The following SDK1 variants were observed in gnomAD, a reference collection of about 807,000 sequenced individuals.
SDK1 encodes sidekick cell adhesion molecule 1.
Under a neutral mutation model 245.5 loss-of-function variants are expected in SDK1, and 157 were observed. The observed-to-expected ratio is 0.64, with a 90% CI of 0.56 to 0.73. The LOEUF is 0.73. SDK1 is among the 30% of genes least tolerant of loss of function. SDK1 has a pLI of 0.00. For missense variants in SDK1, 3,583 were observed against 3,002.3 expected, an observed-to-expected ratio of 1.19 and a Z score of -4.52; for synonymous variants, 1,647 against 1,278.5, an observed-to-expected ratio of 1.29 and a Z score of -6.15.
At chr7:3,817,395 C>A (rs1779536237) in intron 4 of SDK1, among the ~76,000 whole-genome samples, 2 of 152,194 alleles carry the variant, frequency 1.3e-5, no homozygotes, top group Admixed American at 6.5e-5. Context: ...CCACTCTGAG[C>A]AGGGAGTGGG....
intron 4 of SDK1, among the ~76,000 whole-genome samples, chr7:3,754,701 A>G (rs1301533610): frequency 1.3e-5 from 2 of 151,890 alleles, no homozygotes; most frequent in African/African-American, 2.4e-5. Context: ...GGGGCGGAGT[A>G]CTCCCTTGTC....
rs118094342 is a variant in SDK1, at chr7:3,944,799, G to A, written c.848-6124G>A. On this transcript the variant is annotated intron_variant, in intron 5 of 44. Coordinates refer to ENST00000404826, the MANE Select transcript of SDK1 (RefSeq NM_152744.4). ...AAAGAAAGGGAGAGGAGCCAGTACC[G>A]ATGAAGGATGAGAACAAACACCCAG... Among the ~76,000 whole-genome samples, 48 of 152,274 alleles carry A rather than the reference G, an allele frequency of 3.2e-4. No homozygotes were observed. The East Asian group carries it at 5.4e-3, about 17-fold the overall frequency.
intron 5 of SDK1, among the ~76,000 whole-genome samples, chr7:3,831,976 G>A (rs896240135): frequency 1.3e-5 from 2 of 152,106 alleles, no homozygotes; most frequent in African/African-American, 4.8e-5. Flanking sequence ...ACTTGAGCCA[G>A]GGAGGTCAAG....
intron 5 of SDK1, among the ~76,000 whole-genome samples, chr7:3,830,319 G>T (rs7791274): frequency 0.17 from 25,988 of 152,090 alleles, 2,398 homozygotes; most frequent in Middle Eastern, 0.31. Flanking sequence ...TGCCTAATCG[G>T]ATTTTTTACA....
chr7:3,656,191 C>T (rs1412689737), intron 4 of SDK1, among the ~76,000 whole-genome samples: 1 of 152,172 alleles, frequency 6.6e-6, no homozygotes, highest in Admixed American at 6.5e-5. Context: ...GATATGCCCC[C>T]TCCATCCTTC....
At chr7:4,197,685 C>T (rs1783663681) in intron 35 of SDK1, among the ~76,000 whole-genome samples, 2 of 152,192 alleles carry the variant, frequency 1.3e-5, no homozygotes, top group Admixed American at 6.5e-5. Flanking sequence ...CTTTGCTGGC[C>T]TGGCCTGTTC....
chr7:3,869,656 A>G (rs568556982), intron 5 of SDK1, among the ~76,000 whole-genome samples: 4 of 152,190 alleles, frequency 2.6e-5, no homozygotes, highest in African/African-American at 9.6e-5. Flanking sequence ...TTTTCTTGCA[A>G]ATCAGAAAAT....
intron 1 of SDK1, among the ~76,000 whole-genome samples, chr7:3,452,039 CAG>C (rs535227595): frequency 3.4e-4 from 52 of 152,274 alleles, no homozygotes; most frequent in African/African-American, 1.1e-3. Flanking sequence ...ATTTTAAAAA[CAG>C]AGATAGAGAA....
chr7:3,544,450 G>C (rs140191489), intron 1 of SDK1, among the ~76,000 whole-genome samples: 1 of 152,216 alleles, frequency 6.6e-6, no homozygotes, highest in Non-Finnish European at 1.5e-5. Context: ...TCCCGGCCAT[G>C]CCCAAATGAG....
chr7:3,338,390 T>C (rs1780258451), intron 1 of SDK1: 2 of 527,552 alleles, frequency 3.8e-6, no homozygotes, highest in Non-Finnish European at 3.6e-6. Context: ...AGAGAACTAA[T>C]GTGCGTGTTG....
At chr7:3,584,661 C>T (rs143928518) in intron 1 of SDK1, among the ~76,000 whole-genome samples, 276 of 152,138 alleles carry the variant, frequency 1.8e-3, no homozygotes, top group East Asian at 8.9e-3. Flanking sequence ...TGGGCGTGTC[C>T]GCTGAGTGAG....
chr7:3,388,034 G>C (rs1192452474), intron 1 of SDK1, among the ~76,000 whole-genome samples: 1 of 152,136 alleles, frequency 6.6e-6, no homozygotes. Context: ...AATCTGCATT[G>C]TCCTAATTTT....
chr7:3,500,501 G>A (rs1782163112), intron 1 of SDK1, among the ~76,000 whole-genome samples: 1 of 152,086 alleles, frequency 6.6e-6, no homozygotes, highest in South Asian at 2.1e-4. Flanking sequence ...TGTTGCTGTT[G>A]AGAAGTTAAG....
intron 19 of SDK1, among the ~76,000 whole-genome samples, chr7:4,055,445 AT>A (rs1779134348): frequency 6.6e-6 from 1 of 151,996 alleles, no homozygotes; most frequent in South Asian, 2.1e-4. Context: ...TATTCCTGAT[AT>A]TGATGATTGG....
At chr7:3,941,156 G>A (rs1432591585) in intron 5 of SDK1, among the ~76,000 whole-genome samples, 1 of 152,034 alleles carries the variant, frequency 6.6e-6, no homozygotes, top group Non-Finnish European at 1.5e-5. Flanking sequence ...AGGGGTCTTA[G>A]GTGCCTCTGT....
At chr7:4,005,372 G>A (rs1355557522) in intron 14 of SDK1, among the ~76,000 whole-genome samples, 1 of 148,582 alleles carries the variant, frequency 6.7e-6, no homozygotes, top group East Asian at 2.0e-4. Flanking sequence ...TCCGTTTCCG[G>A]GTAGTTTCTT....
At chr7:3,880,756 G>C (rs988225955) in intron 5 of SDK1, among the ~76,000 whole-genome samples, 7 of 152,042 alleles carry the variant, frequency 4.6e-5, no homozygotes, top group Non-Finnish European at 7.4e-5. Context: ...AAACCAGACG[G>C]GCTGAGAGCA....
intron 5 of SDK1, among the ~76,000 whole-genome samples, chr7:3,947,753 T>G (rs181109440): frequency 6.6e-6 from 1 of 152,052 alleles, no homozygotes; most frequent in Admixed American, 6.6e-5. Context: ...AAATCCTGTT[T>G]GAAAGTATCA....
At chr7:4,219,561 C>G (rs910349080) in intron 38 of SDK1, among the ~76,000 whole-genome samples, 1 of 152,166 alleles carries the variant, frequency 6.6e-6, no homozygotes, top group Non-Finnish European at 1.5e-5. Context: ...ATGGGAGAAA[C>G]AGCCCTCATG....
Sources: allele counts gnomAD v4.1 joint callset (sites outside exome capture counted in the v4.1 genomes callset), GRCh38; gene constraint gnomAD v4.1.1; transcripts MANE v1.5; gene names NCBI Gene and HGNC (gene_info 2026-07-23, HGNC 2026-07-21).